The following CCSER1 variants were observed in gnomAD, a reference collection of about 807,000 sequenced individuals.
The protein encoded by CCSER1 is serine-rich coiled-coil domain-containing protein 1.
In CCSER1, 41 loss-of-function variants were observed where a neutral mutation model predicts 82.0. The ratio of observed to expected loss-of-function variants is 0.50; its 90% confidence interval spans 0.39 to 0.65. The LOEUF (loss-of-function observed/expected upper bound fraction) is 0.65. Among genes scored for constraint, CCSER1 ranks in the 30% least tolerant of loss-of-function variants. The pLI, the probability that CCSER1 is intolerant of heterozygous loss-of-function variation, is 0.00. For synonymous variants in CCSER1, 414 were observed against 383.9 expected (o/e 1.08, Z -0.92); for missense variants, 1,119 against 1,064.2 (o/e 1.05, Z -0.72).
intron 10 of CCSER1, among the ~76,000 whole-genome samples, chr4:91,165,643 G>A (rs550417342): frequency 2.0e-5 from 3 of 152,186 alleles, no homozygotes; most frequent in Admixed American, 6.5e-5. Flanking sequence ...AATGGCAGAC[G>A]CCCCTCCCCC....
intron 10 of CCSER1, among the ~76,000 whole-genome samples, chr4:91,200,329 T>C (rs1039897693): frequency 2.0e-5 from 3 of 152,086 alleles, no homozygotes; most frequent in Admixed American, 2.0e-4. Flanking sequence ...CAATATACCT[T>C]TGTGAAGTGA....
intron 5 of CCSER1, among the ~76,000 whole-genome samples, chr4:90,581,707 T>C (rs950498128): frequency 6.6e-6 from 1 of 152,188 alleles, no homozygotes; most frequent in Non-Finnish European, 1.5e-5. Flanking sequence ...AGTGTTTACC[T>C]CCATTTGACA....
chr4:90,286,905 G>C (rs111738948), intron 1 of CCSER1, among the ~76,000 whole-genome samples: 12 of 152,054 alleles, frequency 7.9e-5, no homozygotes, highest in African/African-American at 2.9e-4. Context: ...TTCTTTCTCT[G>C]TCTGCATGGC....
chr4:91,088,380 A>G (rs936358863), intron 10 of CCSER1, among the ~76,000 whole-genome samples: 8 of 152,170 alleles, frequency 5.3e-5, no homozygotes, highest in Non-Finnish European at 8.8e-5. Flanking sequence ...CAGAGTATTC[A>G]TAGAAAATGA....
chr4:90,787,092 C>T (rs141218551), intron 7 of CCSER1, among the ~76,000 whole-genome samples: 114 of 152,262 alleles, frequency 7.5e-4, no homozygotes, highest in Non-Finnish European at 1.4e-3. Flanking sequence ...ACCCTGGGCA[C>T]GCCTCCTTCT....
intron 3 of CCSER1, among the ~76,000 whole-genome samples, chr4:90,381,464 T>G (rs1268940197): frequency 3.9e-5 from 6 of 152,126 alleles, no homozygotes; most frequent in Admixed American, 3.9e-4. Flanking sequence ...ACATATATAT[T>G]TTATATTATA....
In CCSER1 at chr4:91,538,232, C is replaced by A. The variant is rs1389254758; in HGVS notation, c.2218-60340C>A. Among the ~76,000 whole-genome samples, 5 of 152,032 alleles carry A rather than the reference C, an allele frequency of 3.3e-5. No homozygotes were observed. In the East Asian group the frequency reaches 7.7e-4, roughly 23 times the overall value. On this transcript the variant is annotated intron_variant, in intron 10 of 10. Coordinates refer to ENST00000509176, the MANE Select transcript of CCSER1 (RefSeq NM_001145065.2). ...AGATGAACTTCATAGATACTCCAAA[C>A]TAAATAATTTTGTTACTTAACTATA...
At chr4:90,516,263 G>T (rs1468301430) in intron 5 of CCSER1, among the ~76,000 whole-genome samples, 1 of 152,118 alleles carries the variant, frequency 6.6e-6, no homozygotes, top group Non-Finnish European at 1.5e-5. Flanking sequence ...TATAGAAAGG[G>T]TGCCCTTATT....
intron 10 of CCSER1, among the ~76,000 whole-genome samples, chr4:91,165,163 G>C (rs1236995805): frequency 6.6e-6 from 1 of 152,136 alleles, no homozygotes; most frequent in Admixed American, 6.5e-5. Flanking sequence ...CTTTCTGTTT[G>C]TTAGTTTTCC....
chr4:91,242,440 C>T (rs1581829537), intron 10 of CCSER1, among the ~76,000 whole-genome samples: 1 of 152,284 alleles, frequency 6.6e-6, no homozygotes, highest in East Asian at 1.9e-4. Context: ...GAGTTTACTT[C>T]TAAAATTGTG....
intron 6 of CCSER1, among the ~76,000 whole-genome samples, chr4:90,723,401 G>A (rs944481657): frequency 6.6e-5 from 10 of 151,764 alleles, no homozygotes; most frequent in Non-Finnish European, 1.3e-4. Context: ...CAGGGGCTAT[G>A]AATTTAGGAA....
Position 91,401,834 on chromosome 4 carries a change from A to G in CCSER1, c.2218-196738A>G, listed in dbSNP as rs1208752967. 2.0e-5 allele frequency among the ~76,000 whole-genome samples: 3 copies of G among 152,240 alleles called. No homozygotes were observed. The East Asian group carries it at 5.8e-4, about 29-fold the overall frequency. On this transcript the variant is annotated intron_variant, in intron 10 of 10. Coordinates refer to ENST00000509176, the MANE Select transcript of CCSER1 (RefSeq NM_001145065.2). ...TTTGGGTTGGTTCCAAGTCTTTGCTATTGTGAATAGTGCCACAATAAACAT... is the reference window on the plus strand; with the variant it reads ...TTTGGGTTGGTTCCAAGTCTTTGCTGTTGTGAATAGTGCCACAATAAACAT...
chr4:91,133,344 TTGTC>T (rs376680960), intron 10 of CCSER1, among the ~76,000 whole-genome samples: 2 of 152,124 alleles, frequency 1.3e-5, no homozygotes, highest in African/African-American at 4.8e-5. Flanking sequence ...AGTGCTAAGA[TTGTC>T]TGTGGGACAG....
chr4:90,360,001 C>T (rs1244264829), intron 3 of CCSER1, among the ~76,000 whole-genome samples: 3 of 148,580 alleles, frequency 2.0e-5, no homozygotes, highest in Non-Finnish European at 4.5e-5. Flanking sequence ...TTGCTACAAC[C>T]TCTGCCTCCC....
At chr4:91,152,617 T>C (rs527915655) in intron 10 of CCSER1, among the ~76,000 whole-genome samples, 23 of 152,336 alleles carry the variant, frequency 1.5e-4, no homozygotes, top group African/African-American at 4.3e-4. Flanking sequence ...CTAGCATCAA[T>C]GGTCTTCACA....
At chr4:91,073,150 G>A (rs1452707107) in intron 9 of CCSER1, among the ~76,000 whole-genome samples, 1 of 152,038 alleles carries the variant, frequency 6.6e-6, no homozygotes, top group Non-Finnish European at 1.5e-5. Context: ...ATTTAGAAAG[G>A]AGGGAAGAAA....
At chr4:91,213,444 A>C (rs553398388) in intron 10 of CCSER1, among the ~76,000 whole-genome samples, 1 of 152,282 alleles carries the variant, frequency 6.6e-6, no homozygotes, top group East Asian at 1.9e-4. Context: ...AAAAAAAGTT[A>C]ATGGTAACAT....
intron 10 of CCSER1, among the ~76,000 whole-genome samples, chr4:91,102,258 G>A (rs1402733714): frequency 4.0e-5 from 6 of 150,984 alleles, no homozygotes; most frequent in Admixed American, 3.3e-4. Context: ...CTCTAAATGG[G>A]AAAATTAAGG....
At chr4:90,171,763 TAA>T (rs1291362074) in intron 1 of CCSER1, among the ~76,000 whole-genome samples, 36 of 151,882 alleles carry the variant, frequency 2.4e-4, no homozygotes, top group African/African-American at 8.2e-4. Context: ...GAGTTCTGCA[TAA>T]ACATGCTATG....
Sources: gnomAD v4.1 joint callset for allele counts (sites outside exome capture counted in the v4.1 genomes callset) on GRCh38, gnomAD v4.1.1 for gene constraint, MANE v1.5 for transcripts, NCBI Gene and HGNC (gene_info 2026-07-23, HGNC 2026-07-21) for gene names.